Variants in RGS5 observed in about 807,000 individuals in gnomAD.
The protein encoded by RGS5 is regulator of G-protein signalling 5.
A neutral mutation model predicts 18.9 loss-of-function variants in RGS5; 20 were observed. The observed-to-expected ratio is 1.06, with a 90% CI of 0.74 to 1.54. The LOEUF is 1.54. Among genes scored for constraint, RGS5 ranks in the 40% most tolerant of loss-of-function variants. The pLI, the probability that RGS5 is intolerant of heterozygous loss-of-function variation, is 0.00. For synonymous variants in RGS5, 57 were observed against 76.2 expected (o/e 0.75, Z 1.31); for missense variants, 201 against 211.8 (o/e 0.95, Z 0.32).
chr1:163,207,353 C>T (rs1286419926), upstream of RGS5, among the ~76,000 whole-genome samples: 1 of 152,094 alleles, frequency 6.6e-6, no homozygotes, highest in Non-Finnish European at 1.5e-5. Context: ...TATATGCCCC[C>T]GGAGCAGTTT....
chr1:163,177,686 CT>C (rs1421961355), intron 1 of RGS5, among the ~76,000 whole-genome samples: 15 of 152,290 alleles, frequency 9.8e-5, no homozygotes, highest in African/African-American at 3.4e-4. Context: ...GCAGTCACCC[CT>C]CTCCACGGCA....
In RGS5 at chr1:163,183,135, G is replaced by A. The variant is rs550376867; in HGVS notation, c.45-14767C>T. ...CAATACTTAGTCAATATTTATCTTTGCCAGCTTTTTAAAAGAGTTTGCTGA... is the reference window on the plus strand; with the variant it reads ...CAATACTTAGTCAATATTTATCTTTACCAGCTTTTTAAAAGAGTTTGCTGA... On this transcript the variant is annotated intron_variant, in intron 1 of 4. Coordinates refer to ENST00000313961, the MANE Select transcript of RGS5 (RefSeq NM_003617.4). Among the ~76,000 whole-genome samples the A allele has an allele frequency of 3.3e-5, 5 of 152,148 alleles. No individual in the cohort carries two copies. The South Asian group carries it at 1.0e-3, about 31-fold the overall frequency.
At chr1:163,247,199 G>A (rs908926399) in intron 2 of RGS5, among the ~76,000 whole-genome samples, 3 of 152,152 alleles carry the variant, frequency 2.0e-5, no homozygotes, top group African/African-American at 4.8e-5. Flanking sequence ...ATTTATCCAC[G>A]TAACAAATCT....
At chr1:163,267,707 G>C (rs1571329658) in intron 2 of RGS5, among the ~76,000 whole-genome samples, 1 of 152,210 alleles carries the variant, frequency 6.6e-6, no homozygotes, top group East Asian at 1.9e-4. Context: ...GTTTTATAAG[G>C]GTTAGAGAGT....
chr1:163,229,028 A>G (rs1647403704), intron 2 of RGS5, among the ~76,000 whole-genome samples: 1 of 152,052 alleles, frequency 6.6e-6, no homozygotes, highest in African/African-American at 2.4e-5. Flanking sequence ...GAGTCCTCCA[A>G]ACTGTTCCAA....
intron 1 of RGS5, among the ~76,000 whole-genome samples, chr1:163,173,381 G>A (rs573754081): frequency 3.9e-4 from 59 of 152,262 alleles, no homozygotes; most frequent in Admixed American, 9.8e-4. Context: ...AACTGAAAAC[G>A]GTTTGAATAA....
intron 1 of RGS5, among the ~76,000 whole-genome samples, chr1:163,188,385 C>G (rs12143973): frequency 6.6e-6 from 1 of 151,970 alleles, no homozygotes; most frequent in African/African-American, 2.4e-5. Flanking sequence ...GGAAAAATTA[C>G]GCAGAACAAC....
intron 3 of RGS5, among the ~76,000 whole-genome samples, chr1:163,156,439 G>A (rs1657584520): frequency 1.3e-5 from 2 of 152,082 alleles, no homozygotes; most frequent in South Asian, 4.2e-4. Context: ...TCATCTGTGA[G>A]GTAGCCTTTA....
intron 2 of RGS5, among the ~76,000 whole-genome samples, chr1:163,272,826 C>G (rs751565571): frequency 6.6e-6 from 1 of 152,018 alleles, no homozygotes; most frequent in Non-Finnish European, 1.5e-5. Context: ...ATTTTTATTA[C>G]TACAGCTTTA....
chr1:163,192,651 T>C (rs12138022), intron 1 of RGS5, among the ~76,000 whole-genome samples: 51,238 of 152,056 alleles, frequency 0.34, 8,884 homozygotes, highest in South Asian at 0.47. Flanking sequence ...ATTGAGGGTA[T>C]ATGTGTGTAA....
At chr1:163,154,978 TA>T (rs1657527671) in intron 3 of RGS5, among the ~76,000 whole-genome samples, 1 of 151,856 alleles carries the variant, frequency 6.6e-6, no homozygotes, top group Non-Finnish European at 1.5e-5. Context: ...TATATGTATA[TA>T]AAACTATGTA....
intron 4 of RGS5, chr1:163,152,329 G>A: frequency 2.4e-6 from 1 of 422,626 alleles, no homozygotes. Context: ...GGAGGTTAGT[G>A]GAGGTGAGAC....
chr1:163,182,776 T>C (rs11585077), intron 1 of RGS5, among the ~76,000 whole-genome samples: 122,886 of 152,034 alleles, frequency 0.81, 49,851 homozygotes, highest in East Asian at 0.95. Context: ...GGGATTCCCA[T>C]GAGAGCTCCT....
At chr1:163,213,299 A>G (rs1488553392) in intron 1 of RGS5, among the ~76,000 whole-genome samples, 1 of 152,252 alleles carries the variant, frequency 6.6e-6, no homozygotes, top group Non-Finnish European at 1.5e-5. Context: ...AAAAATTAAA[A>G]CTTAAGTTTC....
intron 2 of RGS5, among the ~76,000 whole-genome samples, chr1:163,270,086 T>C (rs1267664064): frequency 6.6e-6 from 1 of 152,182 alleles, no homozygotes; most frequent in Non-Finnish European, 1.5e-5. Flanking sequence ...AGCCTTGACC[T>C]CCTTACATAA....
chr1:163,173,156 C>G (rs551435158), intron 1 of RGS5, among the ~76,000 whole-genome samples: 21 of 152,300 alleles, frequency 1.4e-4, no homozygotes, highest in Non-Finnish European at 2.4e-4. Flanking sequence ...TGACTGCACA[C>G]TAGACATTTT....
chr1:163,251,069 T>C (rs1280295191), intron 2 of RGS5, among the ~76,000 whole-genome samples: 3 of 152,200 alleles, frequency 2.0e-5, no homozygotes, highest in African/African-American at 7.2e-5. Context: ...GAGGGAAAAT[T>C]CAACCCCGAA....
intron 2 of RGS5, chr1:163,260,280 C>A (rs1388045685): frequency 6.6e-6 from 1 of 152,158 alleles, no homozygotes; most frequent in Non-Finnish European, 1.5e-5. Flanking sequence ...TGGTTTGCAT[C>A]ATTTTTTAAT....
chr1:163,280,736 C>T (rs542995195), intron 2 of RGS5, among the ~76,000 whole-genome samples: 1 of 152,114 alleles, frequency 6.6e-6, no homozygotes, highest in Non-Finnish European at 1.5e-5. Context: ...GTAATCTACA[C>T]ATTCAATGCA....
Sources: gnomAD v4.1 joint callset for allele counts (sites outside exome capture counted in the v4.1 genomes callset) on GRCh38, gnomAD v4.1.1 for gene constraint, MANE v1.5 for transcripts, NCBI Gene and HGNC (gene_info 2026-07-23, HGNC 2026-07-21) for gene names.